Variants in DOCK2 observed in about 807,000 individuals in gnomAD.
DOCK2 encodes dedicator of cytokinesis protein 2.
A neutral mutation model predicts 248.9 loss-of-function variants in DOCK2; 87 were observed. The observed-to-expected ratio is 0.35, with a 90% CI of 0.29 to 0.42. The LOEUF (loss-of-function observed/expected upper bound fraction) is 0.42, where lower values mean the gene tolerates loss of function less well. Among genes scored for constraint, DOCK2 ranks in the 10% least tolerant of loss-of-function variants. The pLI is 1.00. For missense variants in DOCK2, 1,747 were observed against 2,300.2 expected, an observed-to-expected ratio of 0.76 and a Z score of 4.92; for synonymous variants, 805 against 821.6, an observed-to-expected ratio of 0.98 and a Z score of 0.35.
Position 169,747,208 on chromosome 5 carries a change from T to C in DOCK2, c.2268-188T>C, listed in dbSNP as rs905883190. ...TGTTAGTTGGTGGGTTTCTGTTGGGTATGGTGGATATGAGGCTTTTCCCTT... is the reference window on the plus strand; with the variant it reads ...TGTTAGTTGGTGGGTTTCTGTTGGGCATGGTGGATATGAGGCTTTTCCCTT... On this transcript the variant is annotated intron_variant, in intron 22 of 51. Transcript: ENST00000520908. Among the ~76,000 whole-genome samples the C allele has an allele frequency of 4.7e-4, 72 of 152,114 alleles. 1 individual carries two copies. The highest frequency in any genetic ancestry group is 3.3e-4 in the Admixed American group (5 of 15,268).
intron 41 of DOCK2, among the ~76,000 whole-genome samples, chr5:170,054,768 T>C (rs1757057001): frequency 6.6e-6 from 1 of 152,230 alleles, no homozygotes; most frequent in Non-Finnish European, 1.5e-5. Flanking sequence ...CTGACACTAC[T>C]GGTCAAAGGG....
chr5:170,000,675 G>A (rs576842397), intron 30 of DOCK2, among the ~76,000 whole-genome samples: 1 of 151,992 alleles, frequency 6.6e-6, no homozygotes, highest in South Asian at 2.1e-4. Context: ...TTGGGCTCCA[G>A]AAAGACTCTG....
chr5:169,654,275 T>G (rs1284701765), intron 1 of DOCK2, 128 bp from the exon 2 acceptor site: 7 of 918,218 alleles, frequency 7.6e-6, no homozygotes, highest in Non-Finnish European at 1.2e-5. Flanking sequence ...TAGGTTTCTG[T>G]GTTGGTTTTG....
chr5:169,742,861 G>A (rs554364974), intron 22 of DOCK2, among the ~76,000 whole-genome samples: 155 of 152,326 alleles, frequency 1.0e-3, no homozygotes, highest in African/African-American at 3.4e-3. Context: ...CCTGGGAGCC[G>A]GAGTGCTGGC....
At chr5:169,833,399 C>T (rs1053156130) in intron 26 of DOCK2, among the ~76,000 whole-genome samples, 12 of 152,048 alleles carry the variant, frequency 7.9e-5, no homozygotes, top group African/African-American at 2.7e-4. Context: ...AGGAATCATA[C>T]GGAAAGTTAG....
At chr5:169,913,713 C>G (rs1382332340) in intron 27 of DOCK2, among the ~76,000 whole-genome samples, 3 of 100,614 alleles carry the variant, frequency 3.0e-5, no homozygotes, top group Non-Finnish European at 5.6e-5. Flanking sequence ...ACCACGCCCT[C>G]TGCCTGGACA....
intron 42 of DOCK2, 56 bp downstream of exon 42, chr5:170,055,442 C>T (rs375924106): frequency 1.0e-4 from 155 of 1,523,334 alleles, no homozygotes; most frequent in Non-Finnish European, 1.4e-4. Context: ...ATTGGGGCCA[C>T]CAAACTGAGC....
At chr5:169,938,839 T>A (rs1776105189) in intron 27 of DOCK2, among the ~76,000 whole-genome samples, 1 of 152,200 alleles carries the variant, frequency 6.6e-6, no homozygotes, top group East Asian at 1.9e-4. Flanking sequence ...AAATATTGTA[T>A]AACTGTGCAA....
chr5:169,713,835 T>G (rs1486014055), intron 17 of DOCK2, among the ~76,000 whole-genome samples, 193 bp from the exon 18 acceptor site: 1 of 152,198 alleles, frequency 6.6e-6, no homozygotes, highest in African/African-American at 2.4e-5. Context: ...TCTATTAATG[T>G]GTCTTTGAAT....
intron 25 of DOCK2, among the ~76,000 whole-genome samples, chr5:169,783,148 C>A (rs1765800989): frequency 6.6e-6 from 1 of 152,162 alleles, no homozygotes; most frequent in Non-Finnish European, 1.5e-5. Flanking sequence ...TAAAGTCATT[C>A]TTGTAGTTTA....
chr5:170,030,567 A>G (rs1756097764), intron 34 of DOCK2, among the ~76,000 whole-genome samples: 1 of 152,212 alleles, frequency 6.6e-6, no homozygotes, highest in Non-Finnish European at 1.5e-5. Context: ...AGATTTTGAA[A>G]TAATTATACT....
intron 2 of DOCK2, among the ~76,000 whole-genome samples, chr5:169,665,881 T>C (rs2113256747): frequency 6.6e-6 from 1 of 152,304 alleles, no homozygotes; most frequent in African/African-American, 2.4e-5. Context: ...TCTTAGAGGA[T>C]TTGAGACTCT....
At chr5:169,669,486 C>T (rs562968421) in intron 3 of DOCK2, among the ~76,000 whole-genome samples, 158 bp downstream of exon 3, 6 of 152,222 alleles carry the variant, frequency 3.9e-5, no homozygotes, top group African/African-American at 9.6e-5. Flanking sequence ...CCTTGTCACT[C>T]GCTGTGCTCA....
At chr5:169,942,975 C>T (rs966660935) in intron 27 of DOCK2, among the ~76,000 whole-genome samples, 4 of 152,164 alleles carry the variant, frequency 2.6e-5, no homozygotes, top group Non-Finnish European at 4.4e-5. Flanking sequence ...CCTGGCAAAT[C>T]GTATGCGTGG....
At chr5:169,770,818 A>G (rs1369129784) in intron 25 of DOCK2, among the ~76,000 whole-genome samples, 1 of 152,180 alleles carries the variant, frequency 6.6e-6, no homozygotes, top group Non-Finnish European at 1.5e-5. Context: ...AGGAAATTCC[A>G]TTGTGTGAAT....
intron 44 of DOCK2, among the ~76,000 whole-genome samples, chr5:170,062,126 TGTGA>T (rs1417996319): frequency 3.0e-5 from 4 of 134,522 alleles, no homozygotes; most frequent in East Asian, 2.0e-4. Context: ...TGTGTGTGTG[TGTGA>T]GAGAGAGAGA....
At chr5:169,911,737 C>G (rs1296774971) in intron 27 of DOCK2, among the ~76,000 whole-genome samples, 1 of 152,114 alleles carries the variant, frequency 6.6e-6, no homozygotes, top group Non-Finnish European at 1.5e-5. Context: ...ACTTCAAACC[C>G]TTTATCTGAT....
chr5:169,725,641 ATGCTATTCCT>A (rs1310820121), intron 22 of DOCK2, among the ~76,000 whole-genome samples: 4 of 151,818 alleles, frequency 2.6e-5, no homozygotes, highest in Non-Finnish European at 5.9e-5. Flanking sequence ...ATTTCTCCTA[ATGCTATTCCT>A]CCCCCAGCCC....
At chr5:170,045,605 C>T (rs1756678617) in intron 38 of DOCK2, among the ~76,000 whole-genome samples, 1 of 152,174 alleles carries the variant, frequency 6.6e-6, no homozygotes, top group African/African-American at 2.4e-5. Context: ...TGTGCCTACT[C>T]AATTGTTTAT....
Sources: gnomAD v4.1 joint callset for allele counts (sites outside exome capture counted in the v4.1 genomes callset) on GRCh38, gnomAD v4.1.1 for gene constraint, MANE v1.5 for transcripts, NCBI Gene and HGNC (gene_info 2026-07-23, HGNC 2026-07-21) for gene names.